The following TRAPPC9 variants were observed in gnomAD, a reference collection of about 807,000 sequenced individuals.
TRAPPC9 encodes the protein IKK2 binding protein.
TRAPPC9 carries 83 observed loss-of-function variants against 124.0 expected under a neutral mutation model. The observed-to-expected ratio is 0.67, with a 90% CI of 0.56 to 0.80. The LOEUF (loss-of-function observed/expected upper bound fraction) is 0.80. TRAPPC9 is among the 30% of genes least tolerant of loss of function. The pLI, the probability that TRAPPC9 is intolerant of heterozygous loss-of-function variation, is 0.00. For missense variants in TRAPPC9, 1,302 were observed against 1,508.3 expected (o/e 0.86, Z 2.27); for synonymous variants, 638 against 617.5 (o/e 1.03, Z -0.49).
intron 15 of TRAPPC9, among the ~76,000 whole-genome samples, chr8:140,269,398 G>A (rs973571381): frequency 2.0e-5 from 3 of 151,884 alleles, no homozygotes; most frequent in Non-Finnish European, 4.4e-5. Context: ...AAAATTAGCT[G>A]GGCGTGGTGG....
intron 17 of TRAPPC9, among the ~76,000 whole-genome samples, chr8:140,082,585 G>A (rs1362095672): frequency 1.3e-5 from 2 of 152,192 alleles, no homozygotes; most frequent in Non-Finnish European, 2.9e-5. Context: ...GAATATAAAT[G>A]ACTGAATTTG....
chr8:139,849,824 G>A (rs374943898), intron 21 of TRAPPC9, among the ~76,000 whole-genome samples: 5 of 152,326 alleles, frequency 3.3e-5, no homozygotes, highest in African/African-American at 1.2e-4. Flanking sequence ...AGTGGAGTCT[G>A]TCTGCCCAGA....
intron 21 of TRAPPC9, among the ~76,000 whole-genome samples, chr8:139,744,034 C>T (rs760867768): frequency 6.6e-6 from 1 of 152,220 alleles, no homozygotes; most frequent in Non-Finnish European, 1.5e-5. Context: ...TACACGCGAA[C>T]GTGCACTCAC....
chr8:139,883,551 A>G (rs1459764996), intron 21 of TRAPPC9, among the ~76,000 whole-genome samples: 4 of 152,200 alleles, frequency 2.6e-5, no homozygotes, highest in African/African-American at 9.7e-5. Context: ...GGCCAAACCA[A>G]CTTCCTAGTC....
chr8:139,796,471 A>G (rs1387162227), intron 21 of TRAPPC9, among the ~76,000 whole-genome samples: 1 of 152,126 alleles, frequency 6.6e-6, no homozygotes, highest in Admixed American at 6.5e-5. Context: ...GAATTTGTCA[A>G]TTCTGGACAT....
chr8:139,992,859 C>T (rs941598173), intron 18 of TRAPPC9, among the ~76,000 whole-genome samples: 1 of 151,836 alleles, frequency 6.6e-6, no homozygotes, highest in East Asian at 1.9e-4. Context: ...TGCAGGTACA[C>T]AGAAAATTAG....
intron 17 of TRAPPC9, among the ~76,000 whole-genome samples, chr8:140,168,031 G>A (rs190627491): frequency 6.6e-6 from 1 of 152,244 alleles, no homozygotes; most frequent in Admixed American, 6.5e-5. Flanking sequence ...TCAGATACAT[G>A]GACGAGACTA....
In TRAPPC9 at chr8:140,360,116, G is replaced by A; in HGVS notation, c.1429C>T (p.Pro477Ser). The change falls in exon 9 of 23, where the codon CCT becomes TCT. Residue 477 changes from proline (P) to serine (S), a missense_variant. Physicochemically the swap from Pro to Ser is moderately conservative, Grantham distance 74. This residue lies in a region of TRAPPC9 where 657 missense variants were observed against 811.2 expected (regional missense o/e 0.81). Transcript: ENST00000438773. Reference protein sequence around the residue: ...LVYASRRMGNPALSVRHLSFL... With the variant: ...LVYASRRMGNSALSVRHLSFL... Reference sequence around the variant, plus strand: ...GACAGGTGTCTGACAGAGAGGGCAGGGTTCCCCATCCTTCGGGAGGCGTAG... The same window carrying A: ...GACAGGTGTCTGACAGAGAGGGCAGAGTTCCCCATCCTTCGGGAGGCGTAG... 6.2e-7 allele frequency: 1 copy of A among 1,614,218 alleles called. No homozygotes were observed. Among genetic ancestry groups the A allele is most frequent in the Non-Finnish European group, 8.5e-7 (1 of 1,180,046 alleles).
At chr8:140,409,945 T>C (rs1313132741) in intron 5 of TRAPPC9, among the ~76,000 whole-genome samples, 1 of 151,968 alleles carries the variant, frequency 6.6e-6, no homozygotes, top group Non-Finnish European at 1.5e-5. Flanking sequence ...AAGACTAGCC[T>C]GATCAACGTG....
At chr8:140,153,339 T>C (rs1179194853) in intron 17 of TRAPPC9, among the ~76,000 whole-genome samples, 3 of 152,052 alleles carry the variant, frequency 2.0e-5, no homozygotes, top group African/African-American at 7.2e-5. Context: ...GTTCTTTCTG[T>C]CCCTTCTGCT....
rs573975369 is a variant in TRAPPC9 at position 140,383,117 on chromosome 8, G to A, written c.1135-11937C>T. ...AGCTGAGGGTCCTGACTGTTAGAAG[G>A]AAAACTAACAAACAGAAAGGACATC... On this transcript the variant is annotated intron_variant, in intron 7 of 22. Transcript: ENST00000438773. 1.5e-3 allele frequency among the ~76,000 whole-genome samples: 229 copies of A among 152,332 alleles called. 1 individual carries two copies. Among genetic ancestry groups the A allele is most frequent in the African/African-American group, 5.2e-3 (218 of 41,576 alleles).
At chr8:139,836,194 A>C (rs564051721) in intron 21 of TRAPPC9, among the ~76,000 whole-genome samples, 2 of 152,162 alleles carry the variant, frequency 1.3e-5, no homozygotes, top group Admixed American at 1.3e-4. Context: ...TTTTTAGTAG[A>C]GACGGGGTTT....
intron 17 of TRAPPC9, among the ~76,000 whole-genome samples, chr8:140,050,154 G>A (rs137929257): frequency 2.6e-4 from 39 of 152,318 alleles, no homozygotes; most frequent in African/African-American, 7.7e-4. Context: ...GAGAGGATTC[G>A]GCAATGGAGG....
intron 15 of TRAPPC9, 90 bp downstream of exon 15, chr8:140,275,568 A>C: frequency 6.9e-7 from 1 of 1,444,248 alleles, no homozygotes; most frequent in Non-Finnish European, 9.7e-7. Flanking sequence ...AGAAGTTTTT[A>C]GATTCTCTGA....
chr8:139,894,015 G>A (rs1395002572), intron 20 of TRAPPC9, among the ~76,000 whole-genome samples: 1 of 152,206 alleles, frequency 6.6e-6, no homozygotes, highest in Non-Finnish European at 1.5e-5. Flanking sequence ...GCAACCGCTT[G>A]GCACCAGCAT....
chr8:139,987,544 G>A (rs1441444426), intron 19 of TRAPPC9, among the ~76,000 whole-genome samples: 1 of 71,282 alleles, frequency 1.4e-5, no homozygotes, highest in Admixed American at 1.3e-4. Flanking sequence ...AATGAAAGAG[G>A]CAGAGAGAGA....
chr8:140,087,604 C>T lies in TRAPPC9; in HGVS notation c.2557-63525G>A, dbSNP rs1844281316. Among the ~76,000 whole-genome samples, 1 of 152,212 alleles carries T rather than the reference C, an allele frequency of 6.6e-6. No individual in the cohort carries two copies. On this transcript the variant is annotated intron_variant, in intron 17 of 22. Transcript: ENST00000438773. The surrounding 1 kb of genome is among the most constrained non-coding windows in gnomAD (Gnocchi z 4.6). ...GCCAAAACCTTAAAAGACACCCTTG[C>T]TTATTCTTCAGTGCATCTAAGGTCT...
chr8:140,090,791 T>C (rs1844517048), intron 17 of TRAPPC9, among the ~76,000 whole-genome samples: 1 of 152,254 alleles, frequency 6.6e-6, no homozygotes, highest in Non-Finnish European at 1.5e-5. Context: ...TAGAGCAGCC[T>C]TGCCTTGCAG....
chr8:140,457,393 G>C (rs78014773), intron 1 of TRAPPC9, among the ~76,000 whole-genome samples: 1 of 152,216 alleles, frequency 6.6e-6, no homozygotes, highest in Non-Finnish European at 1.5e-5. Context: ...CGAGTCTTCA[G>C]CGGGTGTGGG....
Sources: gnomAD v4.1 joint callset for allele counts (sites outside exome capture counted in the v4.1 genomes callset) on GRCh38, gnomAD v4.1.1 for gene constraint, gnomAD v4.1.1 regional missense constraint, Gnocchi (gnomAD v3.1) non-coding constraint, MANE v1.5 for transcripts, NCBI Gene and HGNC (gene_info 2026-07-23, HGNC 2026-07-21) for gene names.